The following TNNI3K variants were observed in gnomAD, a reference collection of about 807,000 sequenced individuals.
TNNI3K encodes the protein serine/threonine-protein kinase TNNI3K.
In TNNI3K, 140 loss-of-function variants were observed where a neutral mutation model predicts 114.5. The observed-to-expected ratio is 1.22, with a 90% CI of 1.07 to 1.41. The LOEUF is 1.41. TNNI3K is among the 40% of genes most tolerant of loss of function. The probability of loss-of-function intolerance (pLI) is 0.00; values close to 1 mark genes in which losing one functional copy is unlikely to be tolerated. For missense variants in TNNI3K, 1,125 were observed against 1,007.6 expected (o/e 1.12, Z -1.58); for synonymous variants, 347 against 347.5 (o/e 1.00, Z 0.02).
Position 74,355,295 on chromosome 1 carries a change from G to A in TNNI3K, c.1177+1166G>A, listed in dbSNP as rs956404236. On this transcript the variant is annotated intron_variant, in intron 11 of 24. Transcript: ENST00000326637. ...ATTTCCTAGCCTACCAAGTTGATTC[G>A]AAAGGTTTTCTGACTAAAGTGGGAT... Among the ~76,000 whole-genome samples, 16 of 152,038 alleles carry A rather than the reference G, an allele frequency of 1.1e-4. No individual in the cohort carries two copies. The South Asian group carries it at 1.2e-3, about 12-fold the overall frequency.
At chr1:74,483,383 GAAAGT>G (rs1369044013) in intron 21 of TNNI3K, 2 of 716,954 alleles carry the variant, frequency 2.8e-6, no homozygotes, top group Admixed American at 4.0e-5. Context: ...CACCTGAAAG[GAAAGT>G]AGAGGGCAAT....
chr1:74,235,727 GA>G (rs1653808876), intron 1 of TNNI3K, among the ~76,000 whole-genome samples: 1 of 150,610 alleles, frequency 6.6e-6, no homozygotes, highest in Admixed American at 6.7e-5. Flanking sequence ...TAATGTTACA[GA>G]AAAAAATTTG....
At chr1:74,327,660 C>A (rs916742452) in intron 5 of TNNI3K, among the ~76,000 whole-genome samples, 26 of 143,834 alleles carry the variant, frequency 1.8e-4, no homozygotes, top group African/African-American at 5.3e-4. Context: ...TATATCAGTA[C>A]TATTATTATT....
At chr1:74,510,524 A>G (rs1173716501) in intron 23 of TNNI3K, among the ~76,000 whole-genome samples, 2 of 152,298 alleles carry the variant, frequency 1.3e-5, no homozygotes, top group East Asian at 1.9e-4. Context: ...GAATAAAATG[A>G]GAAAAAAATT....
chr1:74,393,537 A>G (rs935465371), intron 17 of TNNI3K, among the ~76,000 whole-genome samples: 2 of 152,234 alleles, frequency 1.3e-5, no homozygotes, highest in Admixed American at 1.3e-4. Flanking sequence ...GGCAATTTCT[A>G]TCTCTTGTGC....
At chr1:74,475,578 T>G (rs1222246173) in intron 21 of TNNI3K, 7 of 717,424 alleles carry the variant, frequency 9.8e-6, no homozygotes, top group Non-Finnish European at 1.8e-5. Context: ...TATTTTCCTG[T>G]AAAAGTGGCA....
intron 23 of TNNI3K, 49 bp downstream of exon 23, chr1:74,492,315 C>A: frequency 1.4e-6 from 2 of 1,417,398 alleles, no homozygotes; most frequent in Non-Finnish European, 1.9e-6. Flanking sequence ...ATTTCAGAAT[C>A]TTATCAAGAC....
intron 17 of TNNI3K, among the ~76,000 whole-genome samples, chr1:74,428,629 G>A (rs1665747262): frequency 6.6e-6 from 1 of 152,028 alleles, no homozygotes; most frequent in Admixed American, 6.6e-5. Flanking sequence ...GGTACACGGA[G>A]GTGTCAAGAA....
intron 23 of TNNI3K, among the ~76,000 whole-genome samples, chr1:74,528,860 A>T (rs1273570664): frequency 6.6e-6 from 1 of 152,210 alleles, no homozygotes; most frequent in Admixed American, 6.5e-5. Flanking sequence ...GAAACAAGGC[A>T]CTTGAAGAAA....
At chr1:74,337,626 T>C (rs1046378915) in intron 7 of TNNI3K, among the ~76,000 whole-genome samples, 2 of 152,188 alleles carry the variant, frequency 1.3e-5, no homozygotes, top group Admixed American at 6.6e-5. Context: ...TATTTATGTA[T>C]GTATACATCC....
chr1:74,267,609 A>T (rs1656079522), intron 4 of TNNI3K, among the ~76,000 whole-genome samples: 1 of 151,996 alleles, frequency 6.6e-6, no homozygotes, highest in Non-Finnish European at 1.5e-5. Context: ...AACATTTTTC[A>T]TGGAAGTTGG....
chr1:74,279,427 A>G (rs541591694), intron 5 of TNNI3K, among the ~76,000 whole-genome samples: 1 of 152,326 alleles, frequency 6.6e-6, no homozygotes, highest in African/African-American at 2.4e-5. Flanking sequence ...ATAACCAGTG[A>G]ACTTCTTTGA....
At chr1:74,421,504 A>G (rs1665393967) in intron 17 of TNNI3K, among the ~76,000 whole-genome samples, 1 of 152,162 alleles carries the variant, frequency 6.6e-6, no homozygotes, top group African/African-American at 2.4e-5. Flanking sequence ...TTTTTTAAAA[A>G]AGAAAAGCTA....
rs763887934 is a variant in TNNI3K at position 74,336,138 on chromosome 1, G to A, written c.671G>A (p.Ser224Asn). Residue 224 changes from serine (S) to asparagine (N), a missense_variant, in exon 7 of 25, where the codon AGC becomes AAC. Ser to Asn is a conservative substitution (Grantham distance 46). Coordinates refer to ENST00000326637, the MANE Select transcript of TNNI3K (RefSeq NM_015978.3). ...GCAAAACTCTTGATGGAAGAAGGCAGCAAAGCAGATGGTAAGATTATATAT... is the reference window on the plus strand; with the variant it reads ...GCAAAACTCTTGATGGAAGAAGGCAACAAAGCAGATGGTAAGATTATATAT... Reference protein sequence around the residue: ...NIAKLLMEEGSKADVNAQDNE... With the variant: ...NIAKLLMEEGNKADVNAQDNE... 20 of 1,601,776 alleles carry A rather than the reference G, an allele frequency of 1.2e-5. No individual in the cohort carries two copies. Among genetic ancestry groups the A allele is most frequent in the South Asian group, 2.3e-5 (2 of 88,280 alleles).
At chr1:74,250,462 T>C (rs1264955093) in intron 3 of TNNI3K, among the ~76,000 whole-genome samples, 2 of 152,196 alleles carry the variant, frequency 1.3e-5, no homozygotes, top group Non-Finnish European at 2.9e-5. Context: ...AGAGTCAAAA[T>C]ACACAGCATT....
chr1:74,362,385 C>T (rs1399388360), intron 11 of TNNI3K, among the ~76,000 whole-genome samples: 1 of 152,116 alleles, frequency 6.6e-6, no homozygotes. Flanking sequence ...GTAACTGAGA[C>T]TAAATCTCCA....
At chr1:74,461,774 C>G (rs753716030) in intron 20 of TNNI3K, among the ~76,000 whole-genome samples, 3 of 152,110 alleles carry the variant, frequency 2.0e-5, no homozygotes, top group Admixed American at 6.5e-5. Flanking sequence ...AGTAGTTATG[C>G]CTTTGGCACA....
At chr1:74,297,550 T>TGTGTGG (rs1310031304) in intron 5 of TNNI3K, among the ~76,000 whole-genome samples, 1 of 151,880 alleles carries the variant, frequency 6.6e-6, no homozygotes, top group African/African-American at 2.4e-5. Flanking sequence ...TGTGTGTGTG[T>TGTGTGG]GTGTATAAAT....
intron 17 of TNNI3K, among the ~76,000 whole-genome samples, chr1:74,393,232 T>G (rs1030219409): frequency 2.6e-5 from 4 of 151,994 alleles, no homozygotes; most frequent in African/African-American, 9.7e-5. Context: ...GACAGGAATA[T>G]TGAGTTAGTT....
Sources: allele counts gnomAD v4.1 joint callset (sites outside exome capture counted in the v4.1 genomes callset), GRCh38; gene constraint gnomAD v4.1.1; transcripts MANE v1.5; gene names NCBI Gene and HGNC (gene_info 2026-07-23, HGNC 2026-07-21).